GDPD2: variants seen among roughly 807,000 people sequenced by gnomAD.
The protein encoded by GDPD2 is glycerophosphodiester phosphodiesterase 3.
A neutral mutation model predicts 49.2 loss-of-function variants in GDPD2; 23 were observed. The observed-to-expected ratio is 0.47, with a 90% CI of 0.34 to 0.66. The LOEUF (loss-of-function observed/expected upper bound fraction) is 0.66, where lower values mean the gene tolerates loss of function less well. Among genes scored for constraint, GDPD2 ranks in the 30% least tolerant of loss-of-function variants. The pLI, the probability that GDPD2 is intolerant of heterozygous loss-of-function variation, is 0.01. For synonymous variants in GDPD2, 167 were observed against 171.4 expected, an observed-to-expected ratio of 0.97 and a Z score of 0.20; for missense variants, 338 against 424.7, an observed-to-expected ratio of 0.80 and a Z score of 1.79.
At chrX:70,426,252 G>T in intron 5 of GDPD2, 119 bp from the exon 6 acceptor site, 1 of 778,668 alleles carries the variant, frequency 1.3e-6, no homozygotes, top group Non-Finnish European at 1.9e-6. Flanking sequence ...GTGAAAGGAG[G>T]AAAGCAGATG....
chrX:70,424,815 C>G (rs931647549), intron 1 of GDPD2, among the ~76,000 whole-genome samples, 161 bp from the exon 2 acceptor site: 3 of 112,788 alleles, frequency 2.7e-5, no homozygotes, highest in African/African-American at 9.7e-5. Context: ...TGGGGCTGCT[C>G]GCCTCATCCA....
chrX:70,426,700 C>A lies in GDPD2; in HGVS notation c.515C>A (p.Ala172Asp), dbSNP rs778249845. 8.3e-7 allele frequency: 1 copy of A among 1,209,272 alleles called. No homozygotes were observed. The highest frequency in any genetic ancestry group is 1.1e-6 in the Non-Finnish European group (1 of 893,302). ...GCAGCCGCTGGAATTGCCCTCCTGG[C>A]CTGGCCTGTGGCTGATACCTTCTAC... ...IGAAAGIALL[A>D]WPVADTFYRI... is the part of the protein sequence containing the mutation. Residue 172 changes from alanine (A) to aspartate (D), a missense_variant, in exon 7 of 16, where the codon GCC becomes GAC. Around this residue, in one of 3 missense-constraint regions of GDPD2, gnomAD observed 253 missense variants for 330.4 expected, o/e 0.77. Coordinates refer to ENST00000374382, the MANE Select transcript of GDPD2 (RefSeq NM_017711.4).
chrX:70,424,364 C>T (rs2086402884), intron 1 of GDPD2, among the ~76,000 whole-genome samples: 1 of 111,517 alleles, frequency 9.0e-6, no homozygotes. Context: ...TTGGCAGTGC[C>T]CTTTGTCCCC....
rs1405769852 is a variant in GDPD2, at chrX:70,425,795, A to G, written c.242A>G (p.Asp81Gly). ...FLFRRWGHWM[D>G]WSLAFLLVIS... ...TTCCGCCGCTGGGGACACTGGATGGACTGGTCCCTGGCATTCCTGCTGGTC... is the reference window on the plus strand; with the variant it reads ...TTCCGCCGCTGGGGACACTGGATGGGCTGGTCCCTGGCATTCCTGCTGGTC... Residue 81 changes from aspartate to glycine, a missense_variant, in exon 4 of 16, where the codon GAC becomes GGC. Physicochemically the swap from Asp to Gly is moderately conservative, Grantham distance 94 (BLOSUM62 -1). This residue lies in a region of GDPD2 where 75 missense variants were observed against 67.6 expected (regional missense o/e 1.11). Transcript: ENST00000374382. 8.4e-7 allele frequency: 1 copy of G among 1,197,199 alleles called. No homozygotes were observed. The highest frequency in any genetic ancestry group is 1.8e-5 in the African/African-American group (1 of 56,714).
Position 70,433,023 on chromosome X carries a change from C to G in GDPD2, c.1568-11C>G, listed in dbSNP as rs376239142. On this transcript the variant is annotated splice_polypyrimidine_tract_variant and intron_variant, in intron 15 of 15. Coordinates refer to ENST00000374382, the MANE Select transcript of GDPD2 (RefSeq NM_017711.4). ...ACTCCCTAGATGACCCACCCTCCCCCTCCTCCCCAGGCTTAGAAACAGCAG... is the reference window on the plus strand; with the variant it reads ...ACTCCCTAGATGACCCACCCTCCCCGTCCTCCCCAGGCTTAGAAACAGCAG... 4 of 1,195,837 alleles carry G rather than the reference C, an allele frequency of 3.3e-6. No individual in the cohort carries two copies. The highest frequency in any genetic ancestry group is 3.5e-5 in the African/African-American group (2 of 56,777).
chrX:70,431,219 G>T, intron 12 of GDPD2: 1 of 616,798 alleles, frequency 1.6e-6, no homozygotes. Flanking sequence ...AATATCAGCT[G>T]CTAATCAACT....
At chrX:70,431,157 A>G in intron 12 of GDPD2, 1 of 1,092,888 alleles carries the variant, frequency 9.2e-7, no homozygotes. Context: ...GTTATCACCA[A>G]AGAGGAAGAC....
Position 70,425,836 on chromosome X carries a change from A to C in GDPD2, c.283A>C (p.Thr95Pro), listed in dbSNP as rs1190899807. ...AFLLVISLLV[T>P]YASLLLVLAL... Reference sequence around the variant, plus strand: ...CCTGCTGGTCATCTCTCTACTGGTCACATATGCATCCTTGCTATTGGTGGG... The same window carrying C: ...CCTGCTGGTCATCTCTCTACTGGTCCCATATGCATCCTTGCTATTGGTGGG... The change falls in exon 4 of 16, where the codon ACA becomes CCA. Residue 95 changes from threonine to proline, a missense_variant. Physicochemically the swap from Thr to Pro is conservative, Grantham distance 38. Transcript: ENST00000374382. 1 of 1,167,698 alleles carries C rather than the reference A, an allele frequency of 8.6e-7. No homozygotes were observed. The highest frequency in any genetic ancestry group is 1.2e-6 in the Non-Finnish European group (1 of 855,552).
chrX:70,425,235 C>A, intron 2 of GDPD2, 119 bp from the exon 3 acceptor site: 1 of 658,352 alleles, frequency 1.5e-6, no homozygotes, highest in Non-Finnish European at 2.5e-6. Flanking sequence ...ATGGAAAGAG[C>A]TGCCCCCCGA....
At chrX:70,432,687 T>A (rs1185284714) in intron 14 of GDPD2, 26 bp downstream of exon 14, 1 of 1,090,293 alleles carries the variant, frequency 9.2e-7, no homozygotes, top group Non-Finnish European at 1.3e-6. Context: ...CTCAGCTTTC[T>A]GGGTCCTTAC....
intron 10 of GDPD2, chrX:70,427,948 A>G (rs972921676): frequency 8.9e-6 from 1 of 112,692 alleles, no homozygotes; most frequent in African/African-American, 3.2e-5. Context: ...AGGATATTGA[A>G]TTTTTTCAGT....
intron 1 of GDPD2, among the ~76,000 whole-genome samples, chrX:70,424,014 A>G (rs970083507): frequency 4.5e-5 from 5 of 111,465 alleles, no homozygotes; most frequent in African/African-American, 1.3e-4. Flanking sequence ...TGCTGACACA[A>G]ATCACATACC....
chrX:70,425,285 T>C lies in GDPD2; in HGVS notation c.106-69T>C, dbSNP rs2086410594. 14 of 792,887 alleles carry C rather than the reference T, an allele frequency of 1.8e-5. No homozygotes were observed. The South Asian group carries it at 2.9e-4, about 16-fold the overall frequency. The allele number at this position is 792,887 out of a possible 1,213,427, so 65.3% of individuals were successfully genotyped here. A position where few individuals can be genotyped will look rare whatever the true frequency, so the allele number is the denominator to read the frequency against. On this transcript the variant is annotated intron_variant, in intron 2 of 15. Transcript: ENST00000374382. ...CACGGGGCAGGCAGCTCCCTTTAGC[T>C]GCCACCCGTTGGGGACTCTGAGTTT...
intron 1 of GDPD2, 100 bp from the exon 2 acceptor site, chrX:70,424,876 A>C: frequency 1.9e-6 from 1 of 532,186 alleles, no homozygotes; most frequent in Non-Finnish European, 3.1e-6. Context: ...GCAGCGGCCC[A>C]GGCCTCTGCC....
In GDPD2 at chrX:70,427,469, G is replaced by A. The variant is rs1281114002; in HGVS notation, c.936+6G>A. ...CTGGATCCTGGTTCCTAGAGGTGAG[G>A]ACAGCCTCTGCAAAGAGGCAGCCAT... On this transcript the variant is annotated splice_donor_region_variant and intron_variant, in intron 10 of 15. Coordinates refer to ENST00000374382, the MANE Select transcript of GDPD2 (RefSeq NM_017711.4). 1 of 1,199,000 alleles carries A rather than the reference G, an allele frequency of 8.3e-7. No homozygotes were observed. Among genetic ancestry groups the A allele is most frequent in the Non-Finnish European group, 1.1e-6 (1 of 886,215 alleles).
At chrX:70,431,745 C>G (rs2404468) in intron 12 of GDPD2, among the ~76,000 whole-genome samples, 42,551 of 110,413 alleles carry the variant, frequency 0.39, 7,224 homozygotes, top group Non-Finnish European at 0.52. Context: ...TAAAAACCAG[C>G]TGAACATGGT....
In GDPD2 at chrX:70,425,354, T is replaced by A. The variant is rs757036521; in HGVS notation, c.106T>A (p.Cys36Ser). 7 of 1,173,310 alleles carry A rather than the reference T, an allele frequency of 6.0e-6. No individual in the cohort carries two copies. Among genetic ancestry groups the A allele is most frequent in the Non-Finnish European group, 8.1e-6 (7 of 860,146 alleles). ...GAGTTTCTCTCCTGCCCCTTTGCAG[T>A]GCGACTGTATCTGGTTTGGCCTGCT... ...CPRERMQTSK[C>S]DCIWFGLLFL... Residue 36 changes from cysteine to serine, a missense_variant and splice_region_variant, in exon 3 of 16, where the codon TGC (cysteine) becomes AGC (serine). Cys to Ser is a moderately radical substitution (Grantham distance 112, BLOSUM62 -1). Transcript: ENST00000374382.
Position 70,429,794 on chromosome X carries a change from C to T in GDPD2, c.1158+80C>T, listed in dbSNP as rs749604543. ...GAGGATGATTTTGAGGCTGCCCCTA[C>T]CCCCAGGGCCCTGCCCCAGCTCACA... is the stretch of plus-strand genomic sequence containing the variant. On this transcript the variant is annotated intron_variant, in intron 11 of 15. Coordinates refer to ENST00000374382, the MANE Select transcript of GDPD2 (RefSeq NM_017711.4). 111 of 1,047,482 alleles carry T rather than the reference C, an allele frequency of 1.1e-4. No homozygotes were observed. The South Asian group carries it at 2.0e-3, about 19-fold the overall frequency. 86.3% of individuals were successfully genotyped at this position (1,047,482 alleles called of 1,213,427 possible). A position where few individuals can be genotyped will look rare whatever the true frequency, so the allele number is the denominator to read the frequency against.
In GDPD2 at chrX:70,425,417, A is replaced by T; in HGVS notation, c.169A>T (p.Ile57Phe). Residue 57 changes from isoleucine (I) to phenylalanine (F), a missense_variant, in exon 3 of 16, where the codon ATC becomes TTC. Coordinates refer to ENST00000374382, the MANE Select transcript of GDPD2 (RefSeq NM_017711.4). ...TFLLSLSWLY[I>F]GLVLLNDLHN... ...CCTCCTTTCCCTGAGCTGGCTGTAC[A>T]TCGGGCTCGTCCTTCTCAATGACCT... The T allele has an allele frequency of 1.7e-6, 2 of 1,202,215 alleles. No homozygotes were observed. The highest frequency in any genetic ancestry group is 1.1e-6 in the Non-Finnish European group (1 of 887,337).
Sources: allele counts gnomAD v4.1 joint callset (sites outside exome capture counted in the v4.1 genomes callset), GRCh38; gene constraint gnomAD v4.1.1; regional missense constraint gnomAD v4.1.1; transcripts MANE v1.5; gene names NCBI Gene and HGNC (gene_info 2026-07-23, HGNC 2026-07-21).